The following ATP11C variants were observed in gnomAD, a reference collection of about 807,000 sequenced individuals.
ATP11C encodes ATPase phospholipid transporting 11C (ATP11C blood group).
In ATP11C, 36 loss-of-function variants were observed where a neutral mutation model predicts 97.4. That is an observed-to-expected ratio of 0.37 (90% confidence interval 0.28 to 0.49). ATP11C has a LOEUF of 0.49. Ranked by LOEUF, ATP11C falls within the 20% of genes least tolerant of loss-of-function variation. ATP11C has a pLI of 0.98. For missense variants in ATP11C, 730 were observed against 824.6 expected, an observed-to-expected ratio of 0.89 and a Z score of 1.40; for synonymous variants, 275 against 290.9, an observed-to-expected ratio of 0.95 and a Z score of 0.56.
intron 1 of ATP11C, among the ~76,000 whole-genome samples, chrX:139,869,835 C>T (rs1207113481): frequency 1.1e-5 from 1 of 93,626 alleles, no homozygotes; most frequent in Non-Finnish European, 2.1e-5. Flanking sequence ...ATAATAAGTT[C>T]TGGGAAGGTG....
intron 1 of ATP11C, among the ~76,000 whole-genome samples, chrX:139,864,092 GAA>G (rs2084246415): frequency 1.8e-5 from 2 of 111,309 alleles, no homozygotes; most frequent in Non-Finnish European, 1.9e-5. Context: ...GAAGAAAAAC[GAA>G]AAGAGTATTA....
chrX:139,763,683 G>T (rs1186742076), intron 20 of ATP11C, among the ~76,000 whole-genome samples: 1 of 112,222 alleles, frequency 8.9e-6, no homozygotes, highest in East Asian at 2.8e-4. Flanking sequence ...GTAAATAGCT[G>T]TCATACTGTA....
chrX:139,895,697 C>A (rs764314391), intron 1 of ATP11C, among the ~76,000 whole-genome samples: 2 of 112,043 alleles, frequency 1.8e-5, no homozygotes, highest in African/African-American at 6.5e-5. Context: ...TTATTATAGG[C>A]ATGCACCACC....
At chrX:139,807,088 A>AT (rs2083060276) in intron 5 of ATP11C, among the ~76,000 whole-genome samples, 1 of 111,316 alleles carries the variant, frequency 9.0e-6, no homozygotes. Flanking sequence ...GGCCTGCTTA[A>AT]TATTGTGATT....
At chrX:139,935,588 T>C (rs2085512698), upstream of ATP11C, among the ~76,000 whole-genome samples, 1 of 111,049 alleles carries the variant, frequency 9.0e-6, no homozygotes, top group Non-Finnish European at 1.9e-5. Flanking sequence ...CCAAAAAAGA[T>C]ATAGCAGTAT....
intron 5 of ATP11C, among the ~76,000 whole-genome samples, chrX:139,811,394 C>T (rs1265479529): frequency 9.0e-6 from 1 of 111,219 alleles, no homozygotes; most frequent in Non-Finnish European, 1.9e-5. Flanking sequence ...TCAAACTTAA[C>T]ATAGCCAAAA....
At chrX:139,754,157 C>T (rs908480213) in intron 23 of ATP11C, among the ~76,000 whole-genome samples, 5 of 111,374 alleles carry the variant, frequency 4.5e-5, no homozygotes, top group Middle Eastern at 9.2e-3. Context: ...ACTACAGATA[C>T]AACAGAAATA....
intron 1 of ATP11C, among the ~76,000 whole-genome samples, chrX:139,867,570 G>A (rs1311558602): frequency 8.9e-6 from 1 of 111,944 alleles, no homozygotes; most frequent in African/African-American, 3.3e-5. Context: ...TAACATCAGA[G>A]GAGCTACAGG....
At chrX:139,763,543 T>G in intron 20 of ATP11C, 125 bp from the exon 21 acceptor site, 1 of 494,229 alleles carries the variant, frequency 2.0e-6, no homozygotes, top group South Asian at 3.2e-5. Flanking sequence ...AGGTAGTTTG[T>G]GCATATACAG....
At position 139,832,034 on chromosome X, in the gene ATP11C, G is replaced by A. The variant is rs2083659825; in HGVS notation, c.28-5211C>T. On this transcript the variant is annotated intron_variant, in intron 1 of 29. Transcript: ENST00000682941. ...GCTGAAAATCCAGCTAACCATTTACGATTACCCTCAGGAAATGGATAAAAA... is the reference window on the plus strand; with the variant it reads ...GCTGAAAATCCAGCTAACCATTTACAATTACCCTCAGGAAATGGATAAAAA... The A allele has an allele frequency of 6.7e-6, 5 of 745,179 alleles. No individual in the cohort carries two copies. The South Asian group carries it at 9.6e-5, about 14-fold the overall frequency. 61.4% of individuals were successfully genotyped at this position (745,179 alleles called of 1,213,427 possible).
intron 1 of ATP11C, among the ~76,000 whole-genome samples, chrX:139,859,606 C>A (rs188284148): frequency 8.9e-6 from 1 of 111,796 alleles, no homozygotes. Context: ...AATGTGTTAC[C>A]AGAAGGCAGA....
intron 23 of ATP11C, among the ~76,000 whole-genome samples, chrX:139,756,536 G>A (rs968754284): frequency 9.0e-6 from 1 of 111,645 alleles, no homozygotes. Flanking sequence ...GTTTACTGCA[G>A]CATTCTTCAT....
chrX:139,824,036 G>C (rs187820473), intron 2 of ATP11C, among the ~76,000 whole-genome samples: 1,465 of 106,951 alleles, frequency 0.014, 20 homozygotes, highest in Middle Eastern at 0.023. Context: ...CGGCACTTTC[G>C]GAGGCTGAGG....
chrX:139,767,290 A>G (rs2082157860), intron 20 of ATP11C, among the ~76,000 whole-genome samples: 1 of 111,585 alleles, frequency 9.0e-6, no homozygotes, highest in African/African-American at 3.3e-5. Flanking sequence ...TCTGTGTGTA[A>G]AGTCATAAAG....
intron 1 of ATP11C, among the ~76,000 whole-genome samples, chrX:139,909,690 G>A (rs2085040008): frequency 9.0e-6 from 1 of 111,421 alleles, no homozygotes; most frequent in South Asian, 3.7e-4. Flanking sequence ...GGAGAAATTG[G>A]GTAGAGTACG....
intron 12 of ATP11C, among the ~76,000 whole-genome samples, chrX:139,795,611 C>T (rs1225924593): frequency 9.0e-6 from 1 of 111,672 alleles, no homozygotes; most frequent in Non-Finnish European, 1.9e-5. Context: ...AAGGGGAAAA[C>T]TTTCTCGATA....
In ATP11C at chrX:139,864,691, AAAGATGCT is replaced by A. The variant is rs1273122041; in HGVS notation, c.28-37876_28-37869del. Among the ~76,000 whole-genome samples the A allele has an allele frequency of 3.6e-5, 4 of 112,389 alleles. No individual in the cohort carries two copies. The Admixed American group carries it at 3.8e-4, about 11-fold the overall frequency. ...CATCACCCACGCTCCCATTTTCTGAAAAGATGCTAAGGAAAAAGTATTAAATACTACTT... is the reference window on the plus strand; with the variant it reads ...CATCACCCACGCTCCCATTTTCTGAAAAGGAAAAAGTATTAAATACTACTT... On this transcript the variant is annotated intron_variant, in intron 1 of 29. Coordinates refer to ENST00000682941, the MANE Select transcript of ATP11C (RefSeq NM_001353812.2).
chrX:139,772,518 C>A (rs1203426094), intron 19 of ATP11C, among the ~76,000 whole-genome samples: 2 of 111,707 alleles, frequency 1.8e-5, no homozygotes, highest in Admixed American at 9.5e-5. Flanking sequence ...CGCAGACACT[C>A]AATGCCAGCC....
At chrX:139,800,210 G>A (rs73243382) in intron 7 of ATP11C, 100 bp from the exon 8 acceptor site, 11,002 of 602,718 alleles carry the variant, frequency 0.018, 233 homozygotes, top group East Asian at 0.12. Context: ...ATAAAACAGA[G>A]ATAGATAAAA....
Sources: gnomAD v4.1 joint callset for allele counts (sites outside exome capture counted in the v4.1 genomes callset) on GRCh38, gnomAD v4.1.1 for gene constraint, MANE v1.5 for transcripts, NCBI Gene and HGNC (gene_info 2026-07-23, HGNC 2026-07-21) for gene names.